PTPN3: variants seen among roughly 807,000 people sequenced by gnomAD.
PTPN3 encodes protein tyrosine phosphatase non-receptor type 3.
In PTPN3, 96 loss-of-function variants were observed where a neutral mutation model predicts 132.7. The ratio of observed to expected loss-of-function variants is 0.72; its 90% CI spans 0.61 to 0.86. The LOEUF is 0.86. PTPN3 is among the 40% of genes least tolerant of loss of function. The pLI is 0.00. For synonymous variants in PTPN3, 398 were observed against 429.0 expected (o/e 0.93, Z 0.89); for missense variants, 1,125 against 1,159.6 (o/e 0.97, Z 0.43).
intron 25 of PTPN3, among the ~76,000 whole-genome samples, chr9:109,380,623 C>T (rs1838988465): frequency 6.6e-6 from 1 of 152,098 alleles, no homozygotes; most frequent in Non-Finnish European, 1.5e-5. Flanking sequence ...GTCTTCCATA[C>T]CAAAAAACAG....
At chr9:109,503,421 T>A in the PTPN3 span, among the ~76,000 whole-genome samples, 1 of 152,164 alleles carries the variant, frequency 6.6e-6, no homozygotes, top group Non-Finnish European at 1.5e-5. Flanking sequence ...AATGTCTTTC[T>A]CGGCTGGGCA....
chr9:109,446,641 G>A (rs1844879546), intron 6 of PTPN3, among the ~76,000 whole-genome samples: 1 of 152,196 alleles, frequency 6.6e-6, no homozygotes, highest in Admixed American at 6.5e-5. Flanking sequence ...GGAGAAAGAG[G>A]AGGTGAATGG....
intron 1 of PTPN3, among the ~76,000 whole-genome samples, chr9:109,489,229 G>T (rs749819685): frequency 6.6e-6 from 1 of 152,154 alleles, no homozygotes; most frequent in Non-Finnish European, 1.5e-5. Flanking sequence ...TCCAGACTCT[G>T]CCAGTCCTTG....
rs1847764078 is a variant in PTPN3, at chr9:109,498,094, A to G, written c.-18+125T>C. On this transcript the variant is annotated intron_variant, in intron 1 of 25. Transcript: ENST00000374541. This position sits in a 1 kb window ranked among gnomAD's most constrained non-coding sequence, Gnocchi z 4.2. The stretch of plus-strand genomic sequence containing the variant: ...GGATCCCGGTGCAGCCGCACCCGCC[A>G]GCCCGCCCGCGCGTCCGCCGCGCGC... 7.0e-6 allele frequency: 1 copy of G among 142,650 alleles called. No individual in the cohort carries two copies. The highest frequency in any genetic ancestry group is 2.1e-4 in the East Asian group (1 of 4,698). 8.8% of individuals were successfully genotyped at this position (142,650 alleles called of 1,614,324 possible). A position where few individuals can be genotyped will look rare whatever the true frequency, so the allele number is the denominator to read the frequency against.
the PTPN3 span, among the ~76,000 whole-genome samples, chr9:109,515,332 C>T: frequency 6.6e-6 from 1 of 152,116 alleles, no homozygotes; most frequent in African/African-American, 2.4e-5. Context: ...GCACAAGAAA[C>T]TTTAATTCCA....
chr9:109,484,878 C>T (rs1287699722), intron 1 of PTPN3, among the ~76,000 whole-genome samples: 2 of 152,274 alleles, frequency 1.3e-5, no homozygotes, highest in East Asian at 3.9e-4. Context: ...AAGCCTGGCT[C>T]CCAGGCATGC....
At position 109,422,771 on chromosome 9, in the gene PTPN3, C is replaced by A; in HGVS notation, c.1083G>T (p.Glu361Asp). The stretch of plus-strand genomic sequence containing the variant: ...AAGGCAGACTCTTGGTTTCTAAGTG[C>A]TCCACTGATAAGGATCTCCGCATGG... The part of the protein sequence containing the change: ...NPAMRRSLSV[E>D]HLETKSLPSR... The change falls in exon 13 of 26, where the codon GAG becomes GAT. Residue 361 changes from glutamate to aspartate, a missense_variant. By Grantham distance (45) the Glu-to-Asp change is conservative. Transcript: ENST00000374541. The A allele has an allele frequency of 6.2e-7, 1 of 1,611,316 alleles. No homozygotes were observed. Among genetic ancestry groups the A allele is most frequent in the Non-Finnish European group, 8.5e-7 (1 of 1,177,698 alleles).
At chr9:109,527,675 C>T in the PTPN3 span, among the ~76,000 whole-genome samples, 3 of 152,302 alleles carry the variant, frequency 2.0e-5, no homozygotes, top group African/African-American at 7.2e-5. Context: ...ATTCTGATTA[C>T]ACTGGTTTGA....
chr9:109,398,182 G>A (rs1292221686), intron 19 of PTPN3, among the ~76,000 whole-genome samples: 1 of 152,184 alleles, frequency 6.6e-6, no homozygotes, highest in Non-Finnish European at 1.5e-5. Context: ...GCCAAGGCAC[G>A]AGAATCACTT....
chr9:109,444,954 T>C (rs1266982588), intron 7 of PTPN3, among the ~76,000 whole-genome samples: 3 of 152,254 alleles, frequency 2.0e-5, no homozygotes, highest in Non-Finnish European at 2.9e-5. Context: ...TTCTGGAAAA[T>C]GCAATGTGCA....
At chr9:109,475,967 A>AC (rs1376300284) in intron 1 of PTPN3, among the ~76,000 whole-genome samples, 1 of 151,736 alleles carries the variant, frequency 6.6e-6, no homozygotes, top group African/African-American at 2.4e-5. Context: ...CTCTCCACTT[A>AC]CCCCCACGAA....
At chr9:109,395,918 G>A (rs565381594) in intron 19 of PTPN3, among the ~76,000 whole-genome samples, 129 of 140,112 alleles carry the variant, frequency 9.2e-4, no homozygotes, top group African/African-American at 3.3e-3. Flanking sequence ...ATGCAATGGT[G>A]TGATCTCGGC....
chr9:109,408,036 G>A (rs1841711379), intron 17 of PTPN3, among the ~76,000 whole-genome samples: 1 of 152,118 alleles, frequency 6.6e-6, no homozygotes, highest in Non-Finnish European at 1.5e-5. Context: ...TCTCAAAATT[G>A]AATGCACACT....
intron 1 of PTPN3, among the ~76,000 whole-genome samples, chr9:109,464,245 T>C (rs906868356): frequency 6.6e-6 from 1 of 152,194 alleles, no homozygotes; most frequent in Non-Finnish European, 1.5e-5. Context: ...GCTCAACATA[T>C]GCATTTATTG....
At chr9:109,533,496 G>A in the PTPN3 span, 1 of 1,596,066 alleles carries the variant, frequency 6.3e-7, no homozygotes, top group Non-Finnish European at 8.6e-7. Context: ...CGGTACCGAC[G>A]TTGAGGTGGC....
rs561152516 is a variant in PTPN3, at chr9:109,406,679, C to A, written c.1636-61G>T. The A allele has an allele frequency of 1.3e-4, 213 of 1,586,392 alleles. No individual in the cohort carries two copies. The South Asian group carries it at 2.3e-3, about 17-fold the overall frequency. On this transcript the variant is annotated intron_variant, in intron 17 of 25. Coordinates refer to ENST00000374541, the MANE Select transcript of PTPN3 (RefSeq NM_002829.4). ...CATAACACAGTCCTTGGGGGAAGAACGCTGACTCGCTCTGCTCCCAGACAC... is the reference window on the plus strand; with the variant it reads ...CATAACACAGTCCTTGGGGGAAGAAAGCTGACTCGCTCTGCTCCCAGACAC...
intron 11 of PTPN3, among the ~76,000 whole-genome samples, chr9:109,428,334 A>G (rs1338435898): frequency 6.6e-6 from 1 of 152,224 alleles, no homozygotes; most frequent in Non-Finnish European, 1.5e-5. Context: ...AAGCAGAATT[A>G]TACAGACAAT....
chr9:109,391,870 T>TTG lies in PTPN3; in HGVS notation c.1954-310_1954-309insCA, dbSNP rs751537375. The stretch of plus-strand genomic sequence containing the variant: ...GACAAGAGCTAAAAGCAACTAGATG[T>TTG]GGGGGGGGGGGGGAAGAATTCTGGC... On this transcript the variant is annotated intron_variant, in intron 19 of 25. Transcript: ENST00000374541. Among the ~76,000 whole-genome samples the TTG allele has an allele frequency of 4.4e-4, 13 of 29,456 alleles. 1 individual carries two copies. The highest frequency in any genetic ancestry group is 1.0e-3 in the African/African-American group (6 of 5,876). The allele number at this position is 29,456 out of a possible 152,430, so 19.3% of individuals were successfully genotyped here.
chr9:109,473,309 T>C (rs189853390), intron 1 of PTPN3, among the ~76,000 whole-genome samples: 127 of 152,300 alleles, frequency 8.3e-4, no homozygotes, highest in African/African-American at 2.8e-3. Context: ...GGTGGAGTCA[T>C]TTGTAGGACC....
Sources: allele counts gnomAD v4.1 joint callset (sites outside exome capture counted in the v4.1 genomes callset), GRCh38; gene constraint gnomAD v4.1.1; non-coding constraint Gnocchi (gnomAD v3.1); transcripts MANE v1.5; gene names NCBI Gene and HGNC (gene_info 2026-07-23, HGNC 2026-07-21).